The following RORB variants were observed in gnomAD, a reference collection of about 807,000 sequenced individuals.
RORB encodes RAR related orphan receptor B.
RORB carries 6 observed loss-of-function variants against 59.1 expected under a neutral mutation model. The ratio of observed to expected loss-of-function variants is 0.10; its 90% CI spans 0.06 to 0.20. The LOEUF (loss-of-function observed/expected upper bound fraction) is 0.20. Among genes scored for constraint, RORB ranks in the 10% least tolerant of loss-of-function variants. RORB has a pLI of 1.00. For missense variants in RORB, 320 were observed against 560.5 expected (o/e 0.57, Z 4.33); for synonymous variants, 215 against 204.5 (o/e 1.05, Z -0.44).
intron 1 of RORB, among the ~76,000 whole-genome samples, chr9:74,502,878 G>A (rs796502514): frequency 4.9e-4 from 75 of 152,010 alleles, no homozygotes; most frequent in African/African-American, 1.8e-3. Context: ...TAGTGATTGA[G>A]GTGACATTTT....
At chr9:74,625,102 T>G (rs1195728895) in intron 1 of RORB, among the ~76,000 whole-genome samples, 2 of 151,860 alleles carry the variant, frequency 1.3e-5, no homozygotes, top group Non-Finnish European at 2.9e-5. Flanking sequence ...TGAGAAAACA[T>G]AGAGAGAATT....
At chr9:74,625,945 A>G (rs1215914614) in intron 1 of RORB, among the ~76,000 whole-genome samples, 1 of 152,224 alleles carries the variant, frequency 6.6e-6, no homozygotes, top group Non-Finnish European at 1.5e-5. Flanking sequence ...TTTAAGAGTT[A>G]AGGTATTTTG....
intron 4 of RORB, among the ~76,000 whole-genome samples, chr9:74,650,106 A>C (rs762479488): frequency 5.9e-5 from 9 of 152,224 alleles, no homozygotes; most frequent in Non-Finnish European, 1.2e-4. Context: ...TACAGTAAGC[A>C]AAAGGAAAGG....
At chr9:74,567,038 T>C (rs920459214) in intron 1 of RORB, among the ~76,000 whole-genome samples, 81 of 152,064 alleles carry the variant, frequency 5.3e-4, no homozygotes, top group African/African-American at 1.4e-3. Context: ...CACCCTTTTT[T>C]TTTTTCTGAG....
At chr9:74,601,508 T>C (rs1823056666) in intron 1 of RORB, among the ~76,000 whole-genome samples, 1 of 152,086 alleles carries the variant, frequency 6.6e-6, no homozygotes, top group African/African-American at 2.4e-5. Context: ...AGAGATATTT[T>C]ATGCATAAAC....
At chr9:74,587,737 C>T (rs1479359283) in intron 1 of RORB, among the ~76,000 whole-genome samples, 2 of 152,164 alleles carry the variant, frequency 1.3e-5, no homozygotes, top group African/African-American at 4.8e-5. Context: ...TCTTAGCATT[C>T]CAAAGAGCAA....
At chr9:74,507,383 G>A (rs1457953479) in intron 1 of RORB, among the ~76,000 whole-genome samples, 1 of 152,000 alleles carries the variant, frequency 6.6e-6, no homozygotes, top group Non-Finnish European at 1.5e-5. Flanking sequence ...TTTGCTCTGA[G>A]AACATGAAAT....
At chr9:74,530,060 A>T (rs1228649644) in intron 1 of RORB, among the ~76,000 whole-genome samples, 1 of 152,016 alleles carries the variant, frequency 6.6e-6, no homozygotes, top group Non-Finnish European at 1.5e-5. Context: ...TAAGCACTTC[A>T]TGTTTCTTCT....
chr9:74,588,167 G>C (rs1386415327), intron 1 of RORB, among the ~76,000 whole-genome samples: 1 of 152,074 alleles, frequency 6.6e-6, no homozygotes, highest in Non-Finnish European at 1.5e-5. Context: ...ATTTAAACAA[G>C]CATCCTTTTC....
At chr9:74,567,990 G>C (rs1563939750) in intron 1 of RORB, among the ~76,000 whole-genome samples, 1 of 152,134 alleles carries the variant, frequency 6.6e-6, no homozygotes, top group Non-Finnish European at 1.5e-5. Flanking sequence ...GGCTTTATAT[G>C]TGTTCATTAA....
chr9:74,497,948 A>G lies in RORB; in HGVS notation c.-29A>G. 1 of 1,611,604 alleles carries G rather than the reference A, an allele frequency of 6.2e-7. No individual in the cohort carries two copies. Among genetic ancestry groups the G allele is most frequent in the Non-Finnish European group, 8.5e-7 (1 of 1,179,192 alleles). On this transcript the variant is annotated 5_prime_UTR_variant, in exon 1 of 10. Coordinates refer to ENST00000376896, the MANE Select transcript of RORB (RefSeq NM_006914.4). The stretch of plus-strand genomic sequence containing the variant: ...GGTTCGGGCTGGGAGCAGCTTCATG[A>G]CTACGCGGAGCGGGAGAGCGGCCAC...
At position 74,687,244 on chromosome 9, in the gene RORB, G is replaced by T. The variant is rs993090896; in HGVS notation, c.*1626G>T. The T allele has an allele frequency of 6.6e-6, 1 of 151,986 alleles. No homozygotes were observed. The highest frequency in any genetic ancestry group is 2.4e-5 in the African/African-American group (1 of 41,392). The allele number at this position is 151,986 out of a possible 1,614,324, so 9.4% of individuals were successfully genotyped here. The stretch of plus-strand genomic sequence containing the variant: ...AAGACAATGAAAATTATGGTCTCCT[G>T]TAAGTATATCCCAGCCACCAACTCC... On this transcript the variant is annotated 3_prime_UTR_variant, in exon 10 of 10. Transcript: ENST00000376896.
At chr9:74,511,988 TAAC>T (rs1372234767) in intron 1 of RORB, among the ~76,000 whole-genome samples, 1 of 151,812 alleles carries the variant, frequency 6.6e-6, no homozygotes, top group Non-Finnish European at 1.5e-5. Flanking sequence ...ATAAAAGTGA[TAAC>T]AATAATAAGA....
chr9:74,585,533 C>G (rs1333385455), intron 1 of RORB, among the ~76,000 whole-genome samples: 1 of 152,070 alleles, frequency 6.6e-6, no homozygotes, highest in Non-Finnish European at 1.5e-5. Context: ...TGGTAAAGTC[C>G]TCTCCTCCTT....
chr9:74,673,513 G>A lies in RORB; in HGVS notation c.1224+1612G>A, dbSNP rs142780218. Among the ~76,000 whole-genome samples, 222 of 152,232 alleles carry A rather than the reference G, an allele frequency of 1.5e-3. 1 individual carries two copies. The highest frequency in any genetic ancestry group is 4.9e-3 in the African/African-American group (204 of 41,558). On this transcript the variant is annotated intron_variant, in intron 9 of 9. Transcript: ENST00000376896. ...TGAGGTTCAAATGAGATTCTAACAC[G>A]TTGTGAAATGGTGATTATTACTCCC...
chr9:74,665,339 T>C (rs1824248082), intron 6 of RORB, 149 bp from the exon 7 acceptor site: 1 of 395,590 alleles, frequency 2.5e-6, no homozygotes, highest in Non-Finnish European at 4.5e-6. Flanking sequence ...GGGATTTCTG[T>C]ATGTGTGTGC....
Position 74,512,221 on chromosome 9 carries a change from C to A in RORB, c.7+14238C>A, listed in dbSNP as rs972646195. Among the ~76,000 whole-genome samples, 20 of 152,024 alleles carry A rather than the reference C, an allele frequency of 1.3e-4. 1 individual carries two copies. Among genetic ancestry groups the A allele is most frequent in the Admixed American group, 1.2e-3 (19 of 15,252 alleles). On this transcript the variant is annotated intron_variant, in intron 1 of 9. Coordinates refer to ENST00000376896, the MANE Select transcript of RORB (RefSeq NM_006914.4). ...TCCATTAAACTAGCTTGTGTCTATC[C>A]CCTGACAAAGCTGCAAGACTGCAAT... is the stretch of plus-strand genomic sequence containing the variant.
At chr9:74,539,309 T>C (rs1826368978) in intron 1 of RORB, among the ~76,000 whole-genome samples, 1 of 152,320 alleles carries the variant, frequency 6.6e-6, no homozygotes, top group Non-Finnish European at 1.5e-5. Flanking sequence ...TTCATTTAGA[T>C]GTTGCTGGTT....
chr9:74,634,410 T>G lies in RORB; in HGVS notation c.94-221T>G, dbSNP rs536076716. 2.0e-5 allele frequency among the ~76,000 whole-genome samples: 3 copies of G among 152,344 alleles called. No individual in the cohort carries two copies. In the South Asian group the frequency reaches 6.2e-4, roughly 32 times the overall value. ...AACATTGATTCAAGGAATGAATGAA[T>G]GAATGAATGGGTAAATGAATGATAC... On this transcript the variant is annotated intron_variant, in intron 2 of 9. Transcript: ENST00000376896.
Sources: allele counts gnomAD v4.1 joint callset (sites outside exome capture counted in the v4.1 genomes callset), GRCh38; gene constraint gnomAD v4.1.1; transcripts MANE v1.5; gene names NCBI Gene and HGNC (gene_info 2026-07-23, HGNC 2026-07-21).